Variants in GIGYF2 observed in about 807,000 individuals in gnomAD.
GIGYF2 encodes GRB10-interacting GYF protein 2.
A neutral mutation model predicts 208.1 loss-of-function variants in GIGYF2; 25 were observed. The observed-to-expected ratio is 0.12, with a 90% CI of 0.09 to 0.17. The LOEUF is 0.17. GIGYF2 is among the 10% of genes least tolerant of loss of function. The probability of loss-of-function intolerance (pLI) is 1.00; values close to 1 mark genes in which losing one functional copy is unlikely to be tolerated. For synonymous variants in GIGYF2, 534 were observed against 543.8 expected, an observed-to-expected ratio of 0.98 and a Z score of 0.25; for missense variants, 1,302 against 1,579.4, an observed-to-expected ratio of 0.82 and a Z score of 2.98.
chr2:232,814,565 A>AACC (rs1700847572), intron 18 of GIGYF2, among the ~76,000 whole-genome samples: 11 of 75,962 alleles, frequency 1.4e-4, no homozygotes, highest in African/African-American at 3.3e-4. Flanking sequence ...TCCACCTCAA[A>AACC]CCCCCCCCCC....
chr2:232,804,283 A>G (rs564296508), intron 14 of GIGYF2, among the ~76,000 whole-genome samples: 4 of 132,298 alleles, frequency 3.0e-5, no homozygotes, highest in Middle Eastern at 4.2e-3. Context: ...TGAACTTGGT[A>G]TGTCTATCTG....
intron 8 of GIGYF2, among the ~76,000 whole-genome samples, chr2:232,780,733 A>G (rs1451434050): frequency 1.3e-5 from 2 of 152,192 alleles, no homozygotes; most frequent in Admixed American, 6.5e-5. Flanking sequence ...AAGTAAGTCA[A>G]CTGAAATACA....
chr2:232,774,176 A>C (rs1435203777), intron 8 of GIGYF2, among the ~76,000 whole-genome samples: 1 of 152,096 alleles, frequency 6.6e-6, no homozygotes, highest in Non-Finnish European at 1.5e-5. Context: ...GGTGGATATG[A>C]ATATTATACA....
intron 2 of GIGYF2, among the ~76,000 whole-genome samples, chr2:232,708,106 A>G (rs986209598): frequency 2.0e-5 from 3 of 151,958 alleles, no homozygotes; most frequent in Admixed American, 6.6e-5. Context: ...GAGTACAGGC[A>G]TACACCATTG....
intron 5 of GIGYF2, among the ~76,000 whole-genome samples, chr2:232,750,134 G>A (rs1411194519): frequency 6.6e-6 from 1 of 151,832 alleles, no homozygotes; most frequent in African/African-American, 2.4e-5. Context: ...GCAGTGAGCT[G>A]AGATTGCATC....
chr2:232,737,711 A>C (rs532287579), intron 3 of GIGYF2, among the ~76,000 whole-genome samples: 1 of 152,142 alleles, frequency 6.6e-6, no homozygotes, highest in Admixed American at 6.6e-5. Flanking sequence ...CCAGTGTGCA[A>C]TTAACTCTAA....
In GIGYF2 at chr2:232,737,907, CTT is replaced by C. The variant is rs11320395; in HGVS notation, c.41+2691_41+2692del. ...GACCATGAGTGGCTGTAAGCTTTAA[CTT>C]TTTTTTTTTTTTTTTTTTTTTGAGA... On this transcript the variant is annotated intron_variant, in intron 3 of 28. Transcript: ENST00000373563. Among the ~76,000 whole-genome samples, 591 of 85,214 alleles carry C rather than the reference CTT, an allele frequency of 6.9e-3. 3 individuals carry two copies. Among genetic ancestry groups the C allele is most frequent in the African/African-American group, 0.021 (454 of 21,190 alleles). 55.9% of individuals were successfully genotyped at this position (85,214 alleles called of 152,430 possible).
At position 232,806,735 on chromosome 2, in the gene GIGYF2, A is replaced by T; in HGVS notation, c.1806+78A>T. The T allele has an allele frequency of 1.1e-6, 1 of 948,454 alleles. No individual in the cohort carries two copies. The highest frequency in any genetic ancestry group is 1.7e-6 in the Non-Finnish European group (1 of 576,118). The allele number at this position is 948,454 out of a possible 1,614,324, so 58.8% of individuals were successfully genotyped here. ...TTCTCTTTGAAAACACAACCCAAAT[A>T]TATCATCTAATGAAGGAATTGTAGT... On this transcript the variant is annotated intron_variant, in intron 15 of 28. Coordinates refer to ENST00000373563, the MANE Select transcript of GIGYF2 (RefSeq NM_001103146.3). The surrounding 1 kb of genome is among the most constrained non-coding windows in gnomAD (Gnocchi z 4.0).
intron 21 of GIGYF2, chr2:232,828,678 C>CG (rs1701326062): frequency 6.6e-6 from 1 of 152,220 alleles, no homozygotes; most frequent in Non-Finnish European, 1.5e-5. Context: ...AGTGGGTTAT[C>CG]AGAATTTATT....
At chr2:232,808,244 A>C (rs1057045240) in intron 15 of GIGYF2, among the ~76,000 whole-genome samples, 4 of 152,248 alleles carry the variant, frequency 2.6e-5, no homozygotes, top group Non-Finnish European at 1.5e-5. Context: ...TGTAAATTTA[A>C]CTTATATATC....
chr2:232,820,087 G>C (rs1412002399), intron 21 of GIGYF2, 102 bp downstream of exon 21: 1 of 1,338,696 alleles, frequency 7.5e-7, no homozygotes, highest in African/African-American at 1.5e-5. Context: ...ATTTTTTCAG[G>C]TTGCTAAAAA....
At position 232,708,206 on chromosome 2, in the gene GIGYF2, C is replaced by T. The variant is rs530214374; in HGVS notation, c.-44+4717C>T. Among the ~76,000 whole-genome samples the T allele has an allele frequency of 2.2e-4, 33 of 151,990 alleles. No homozygotes were observed. The South Asian group carries it at 5.8e-3, about 27-fold the overall frequency. ...AACTCCTGGACTCAAGCTATCCTCC[C>T]GCCTTGGTCTCCCAAAGTGCTAGGA... On this transcript the variant is annotated intron_variant, in intron 2 of 28. Transcript: ENST00000373563.
In GIGYF2 at chr2:232,811,389, T is replaced by C. The variant is rs780616270; in HGVS notation, c.2006+38T>C. ...TCCATTATGTGTCATATGGGGTGCA[T>C]GTGTTGTGAAAGAAAGAGAAGAAAG... On this transcript the variant is annotated intron_variant, in intron 17 of 28. Coordinates refer to ENST00000373563, the MANE Select transcript of GIGYF2 (RefSeq NM_001103146.3). 4 of 1,166,016 alleles carry C rather than the reference T, an allele frequency of 3.4e-6. No homozygotes were observed. The African/African-American group carries it at 4.5e-5, about 13-fold the overall frequency. 72.2% of individuals were successfully genotyped at this position (1,166,016 alleles called of 1,614,324 possible). A position where few individuals can be genotyped will look rare whatever the true frequency, so the allele number is the denominator to read the frequency against.
intron 22 of GIGYF2, among the ~76,000 whole-genome samples, chr2:232,839,629 T>A (rs888905545): frequency 1.3e-5 from 2 of 152,240 alleles, no homozygotes; most frequent in Non-Finnish European, 2.9e-5. Flanking sequence ...GTATTATAAG[T>A]TGTTTTAAAA....
chr2:232,751,832 T>C (rs936880282), intron 5 of GIGYF2, among the ~76,000 whole-genome samples: 1 of 152,226 alleles, frequency 6.6e-6, no homozygotes, highest in African/African-American at 2.4e-5. Flanking sequence ...AATCAAACAT[T>C]ATTTTGCAAA....
At chr2:232,790,298 G>A (rs1163892976) in intron 9 of GIGYF2, among the ~76,000 whole-genome samples, 3 of 152,128 alleles carry the variant, frequency 2.0e-5, no homozygotes, top group African/African-American at 7.2e-5. Context: ...TTAAGATTGG[G>A]CAAAAGGAAG....
rs116151766 is a variant in GIGYF2 at position 232,713,446 on chromosome 2, C to T, written c.-44+9957C>T. 7.2e-3 allele frequency among the ~76,000 whole-genome samples: 1,100 copies of T among 152,306 alleles called. 10 individuals are homozygous for T. The highest frequency in any genetic ancestry group is 0.012 in the Non-Finnish European group (837 of 68,032). On this transcript the variant is annotated intron_variant, in intron 2 of 28. Coordinates refer to ENST00000373563, the MANE Select transcript of GIGYF2 (RefSeq NM_001103146.3). Reference sequence around the variant, plus strand: ...AGTTTTTACAACAATTGTAGATTTACAGAAAATTGAGAAGATAGTGCGGAA... The same window carrying T: ...AGTTTTTACAACAATTGTAGATTTATAGAAAATTGAGAAGATAGTGCGGAA...
chr2:232,780,552 A>G (rs955485024), intron 8 of GIGYF2, among the ~76,000 whole-genome samples: 1 of 152,214 alleles, frequency 6.6e-6, no homozygotes, highest in African/African-American at 2.4e-5. Context: ...TTTTCCCTGA[A>G]AGAAGAAGAA....
chr2:232,747,279 T>C (rs563976255), intron 3 of GIGYF2, among the ~76,000 whole-genome samples: 4 of 152,280 alleles, frequency 2.6e-5, no homozygotes, highest in African/African-American at 7.2e-5. Context: ...ATCTAGTGAG[T>C]GTAAGGTAGT....
Sources: allele counts gnomAD v4.1 joint callset (sites outside exome capture counted in the v4.1 genomes callset), GRCh38; gene constraint gnomAD v4.1.1; non-coding constraint Gnocchi (gnomAD v3.1); transcripts MANE v1.5; gene names NCBI Gene and HGNC (gene_info 2026-07-23, HGNC 2026-07-21).